Variants in ATP2A1 observed in about 807,000 individuals in gnomAD.
ATP2A1 encodes the protein sarcoplasmic/endoplasmic reticulum calcium ATPase 1.
In ATP2A1, 83 loss-of-function variants were observed where a neutral mutation model predicts 109.5. That is an observed-to-expected ratio of 0.76 (90% CI 0.63 to 0.91). The LOEUF (loss-of-function observed/expected upper bound fraction) is 0.91. Among genes scored for constraint, ATP2A1 ranks in the 40% least tolerant of loss-of-function variants. The probability of loss-of-function intolerance (pLI) is 0.00; values close to 1 mark genes in which losing one functional copy is unlikely to be tolerated. For missense variants in ATP2A1, 1,101 were observed against 1,341.0 expected (o/e 0.82, Z 2.80); for synonymous variants, 505 against 537.6 (o/e 0.94, Z 0.84).
At chr16:28,900,253 A>G (rs1436029102) in intron 14 of ATP2A1, among the ~76,000 whole-genome samples, 2 of 151,580 alleles carry the variant, frequency 1.3e-5, no homozygotes, top group Admixed American at 6.6e-5. Context: ...GTGAGCTATG[A>G]TCGCACCGTT....
intron 2 of ATP2A1, 75 bp downstream of exon 2, chr16:28,879,191 C>T: frequency 1.3e-6 from 2 of 1,535,134 alleles, no homozygotes; most frequent in Non-Finnish European, 9.0e-7. Flanking sequence ...CTCCTCCCTG[C>T]CTCTTTAGAT....
chr16:28,889,529 A>G (rs1171634960), intron 9 of ATP2A1, among the ~76,000 whole-genome samples: 1 of 152,158 alleles, frequency 6.6e-6, no homozygotes, highest in Non-Finnish European at 1.5e-5. Context: ...AAGTGCTGGG[A>G]TGATAGGTGT....
chr16:28,880,036 G>A lies in ATP2A1; in HGVS notation c.219+453G>A. 10 of 1,004,554 alleles carry A rather than the reference G, an allele frequency of 1.0e-5. No homozygotes were observed. The highest frequency in any genetic ancestry group is 1.1e-5 in the Non-Finnish European group (9 of 844,734). The allele number at this position is 1,004,554 out of a possible 1,614,324, so 62.2% of individuals were successfully genotyped here. A position where few individuals can be genotyped will look rare whatever the true frequency, so the allele number is the denominator to read the frequency against. Reference sequence around the variant, plus strand: ...CGCTGATTGGTCGAGGGGAGGACTCGCTCCTAGTGGCGGGAAAGCGCGGCG... The same window carrying A: ...CGCTGATTGGTCGAGGGGAGGACTCACTCCTAGTGGCGGGAAAGCGCGGCG... On this transcript the variant is annotated intron_variant, in intron 3 of 22. Transcript: ENST00000395503. This position sits in a 1 kb window ranked among gnomAD's most constrained non-coding sequence, Gnocchi z 4.2.
At chr16:28,879,847 G>C (rs1963403691) in intron 3 of ATP2A1, 1 of 577,460 alleles carries the variant, frequency 1.7e-6, no homozygotes, top group Non-Finnish European at 2.7e-6. Context: ...TCAAGAGCTT[G>C]GAGAGCTCGG....
Position 28,879,112 on chromosome 16 carries a change from G to T in ATP2A1, c.132G>T (p.Glu44Asp). The T allele has an allele frequency of 6.2e-7, 1 of 1,614,050 alleles. No individual in the cohort carries two copies. The highest frequency in any genetic ancestry group is 8.5e-7 in the Non-Finnish European group (1 of 1,179,980). ...TTTCCTGGGTAGAGCTCCCTGCTGA[G>T]GAAGGTAAGTTACTGGAATCCCTGA... is the stretch of plus-strand genomic sequence containing the variant. ...EKYGLNELPA[E>D]EGKTLWELVI... The change falls in exon 2 of 23, where the codon GAG becomes GAT. Residue 44 changes from glutamate to aspartate, a missense_variant. Transcript: ENST00000395503.
rs890437745 is a variant in ATP2A1, at chr16:28,880,360, G to T, written c.220-555G>T. ...GGCCCCGTCGCGTTAAGCACAAGCT[G>T]GCAGGGCCTCTCCTCTCCCTTCTCA... On this transcript the variant is annotated intron_variant, in intron 3 of 22. Transcript: ENST00000395503. The surrounding 1 kb of genome is among the most constrained non-coding windows in gnomAD (Gnocchi z 4.2). Among the ~76,000 whole-genome samples the T allele has an allele frequency of 6.6e-6, 1 of 152,266 alleles. No individual in the cohort carries two copies. The highest frequency in any genetic ancestry group is 2.4e-5 in the African/African-American group (1 of 41,472).
chr16:28,894,619 T>G lies in ATP2A1; in HGVS notation c.1287+12T>G, dbSNP rs1963866032. ...TGGACTTCAACGAGGTAACCTCTCC[T>G]TCCCCTTCCAGTTGGCTCAGAGTCT... On this transcript the variant is annotated intron_variant, in intron 11 of 22. Transcript: ENST00000395503. 2 of 1,613,440 alleles carry G rather than the reference T, an allele frequency of 1.2e-6. No individual in the cohort carries two copies. The highest frequency in any genetic ancestry group is 3.3e-5 in the Admixed American group (2 of 59,980).
Position 28,887,500 on chromosome 16 carries a change from C to T in ATP2A1, c.706C>T (p.Arg236Ter), listed in dbSNP as rs745337023. The T allele has an allele frequency of 1.2e-5, 20 of 1,613,934 alleles. No homozygotes were observed. The highest frequency in any genetic ancestry group is 2.2e-5 in the East Asian group (1 of 44,876). Reference sequence around the variant, plus strand: ...TGTGGGCACCGAGATTGGGAAGATCCGAGACCAAATGGCTGCCACAGAACA... The same window carrying T: ...TGTGGGCACCGAGATTGGGAAGATCTGAGACCAAATGGCTGCCACAGAACA... The part of the protein sequence containing the change: ...TGVGTEIGKI[R>*]DQMAATEQDK... The change falls in exon 8 of 23, where the codon CGA (arginine) becomes TGA (stop). Residue 236 changes from arginine to a stop codon, truncating the protein, a stop_gained. Coordinates refer to ENST00000395503, the MANE Select transcript of ATP2A1 (RefSeq NM_004320.6). LOFTEE classifies it high-confidence loss of function.
Position 28,903,198 on chromosome 16 carries a change from G to A in ATP2A1, c.2862+51G>A, listed in dbSNP as rs771676011. ...CCCACCCCAGCACTGGGGAGCCCAC[G>A]GCGGGCCCATGACCACTCCCACCAG... On this transcript the variant is annotated intron_variant, in intron 20 of 22. Transcript: ENST00000395503. This position sits in a 1 kb window ranked among gnomAD's most constrained non-coding sequence, Gnocchi z 5.6. 16 of 1,603,508 alleles carry A rather than the reference G, an allele frequency of 1.0e-5. No homozygotes were observed. Among genetic ancestry groups the A allele is most frequent in the Middle Eastern group, 1.7e-4 (1 of 6,020 alleles).
rs367983112 is a variant in ATP2A1 at position 28,902,592 on chromosome 16, C to T, written c.2537C>T (p.Ala846Val). The change falls in exon 18 of 23, where the codon GCA becomes GTA. Residue 846 changes from alanine (A) to valine (V), a missense_variant. Physicochemically the swap from Ala to Val is moderately conservative, Grantham distance 64. Transcript: ENST00000395503. This position sits in a 1 kb window ranked among gnomAD's most constrained non-coding sequence, Gnocchi z 4.8. Reference protein sequence around the residue: ...RYMAIGGYVGAATVGAAAWWF... With the variant: ...RYMAIGGYVGVATVGAAAWWF... The stretch of plus-strand genomic sequence containing the variant: ...CTCTCCACCACAGGCTATGTGGGTG[C>T]AGCCACCGTGGGAGCAGCTGCCTGG... 7 of 1,613,964 alleles carry T rather than the reference C, an allele frequency of 4.3e-6. No individual in the cohort carries two copies. The African/African-American group carries it at 6.7e-5, about 15-fold the overall frequency.
Position 28,900,805 on chromosome 16 carries a change from G to C in ATP2A1, c.1989G>C (p.Leu663=), listed in dbSNP as rs1964052568. The C allele has an allele frequency of 6.2e-7, 1 of 1,614,112 alleles. No homozygotes were observed. Among genetic ancestry groups the C allele is most frequent in the Non-Finnish European group, 8.5e-7 (1 of 1,180,058 alleles). ...GCCGAGAGTTCGACGACCTGCCCCTGGCTGAACAGCGGGAAGCCTGCCGAC... is the reference window on the plus strand; with the variant it reads ...GCCGAGAGTTCGACGACCTGCCCCTCGCTGAACAGCGGGAAGCCTGCCGAC... ...YTGREFDDLP[L]AEQREACRRA... Residue 663 remains leucine (L), a synonymous_variant, in exon 15 of 23, where the codon CTG becomes CTC. Transcript: ENST00000395503.
chr16:28,896,219 T>TG (rs1369643434), intron 12 of ATP2A1, among the ~76,000 whole-genome samples: 1 of 152,114 alleles, frequency 6.6e-6, no homozygotes, highest in African/African-American at 2.4e-5. Context: ...TTTGTTTGTT[T>TG]GTTTGTTTGT....
chr16:28,881,087 T>A (rs1219872653), intron 4 of ATP2A1, 68 bp downstream of exon 4: 1 of 1,467,296 alleles, frequency 6.8e-7, no homozygotes, highest in Admixed American at 1.7e-5. Flanking sequence ...CTCCCTCCAG[T>A]CTCCTCCTCC....
chr16:28,896,849 A>G (rs889130538), intron 12 of ATP2A1, among the ~76,000 whole-genome samples: 5 of 148,716 alleles, frequency 3.4e-5, no homozygotes, highest in African/African-American at 1.3e-4. Flanking sequence ...ACGTGCCACC[A>G]CGCCTGGCTG....
Position 28,900,806 on chromosome 16 carries a change from G to A in ATP2A1, c.1990G>A (p.Ala664Thr), listed in dbSNP as rs764844913. The A allele has an allele frequency of 3.7e-6, 6 of 1,614,118 alleles. No individual in the cohort carries two copies. In the Admixed American group the frequency reaches 1.0e-4, roughly 27 times the overall value. Residue 664 changes from alanine to threonine, a missense_variant, in exon 15 of 23, where the codon GCT becomes ACT. Ala to Thr is a moderately conservative substitution (Grantham distance 58). Transcript: ENST00000395503. Reference protein sequence around the residue: ...TGREFDDLPLAEQREACRRAC... With the variant: ...TGREFDDLPLTEQREACRRAC... ...CCGAGAGTTCGACGACCTGCCCCTG[G>A]CTGAACAGCGGGAAGCCTGCCGACG...
At chr16:28,881,343 A>G (rs967663756) in intron 4 of ATP2A1, 2 of 423,036 alleles carry the variant, frequency 4.7e-6, no homozygotes, top group South Asian at 2.1e-5. Context: ...AATAGACGCT[A>G]GCTTGATTTC....
At position 28,887,453 on chromosome 16, in the gene ATP2A1, T is replaced by C. The variant is rs1284087220; in HGVS notation, c.659T>C (p.Leu220Ser). The C allele has an allele frequency of 1.2e-6, 2 of 1,613,890 alleles. No individual in the cohort carries two copies. The highest frequency in any genetic ancestry group is 1.7e-6 in the Non-Finnish European group (2 of 1,180,000). The change falls in exon 8 of 23, where the codon TTG becomes TCG. Residue 220 changes from leucine to serine, a missense_variant. Leu to Ser is a moderately radical substitution (Grantham distance 145). Transcript: ENST00000395503. ...SGTNIAAGKA[L>S]GIVATTGVGT... ...ACCAACATTGCAGCCGGCAAGGCCTTGGGCATCGTGGCCACCACTGGTGTG... is the reference window on the plus strand; with the variant it reads ...ACCAACATTGCAGCCGGCAAGGCCTCGGGCATCGTGGCCACCACTGGTGTG...
At position 28,903,584 on chromosome 16, in the gene ATP2A1, T is replaced by C. The variant is rs889077718; in HGVS notation, c.2981-116T>C. 2 of 1,145,632 alleles carry C rather than the reference T, an allele frequency of 1.7e-6. No individual in the cohort carries two copies. The highest frequency in any genetic ancestry group is 3.2e-5 in the African/African-American group (2 of 62,370). The allele number at this position is 1,145,632 out of a possible 1,614,324, so 71.0% of individuals were successfully genotyped here. A position where few individuals can be genotyped will look rare whatever the true frequency, so the allele number is the denominator to read the frequency against. On this transcript the variant is annotated intron_variant, in intron 21 of 22. Transcript: ENST00000395503. The surrounding 1 kb of genome is among the most constrained non-coding windows in gnomAD (Gnocchi z 5.6). ...GTGTCCGCCCCGTTCCCCCTGCGCCTGCAGGGGCCACATCTCCGGGGCAGC... is the reference window on the plus strand; with the variant it reads ...GTGTCCGCCCCGTTCCCCCTGCGCCCGCAGGGGCCACATCTCCGGGGCAGC...
rs1567478810 is a variant in ATP2A1 at position 28,880,755 on chromosome 16, C to G, written c.220-160C>G. On this transcript the variant is annotated intron_variant, in intron 3 of 22. Transcript: ENST00000395503. This position sits in a 1 kb window ranked among gnomAD's most constrained non-coding sequence, Gnocchi z 4.2. ...CAGGACCTGCAGTGGATGGACAGAC[C>G]CTCAGACGGATGTGGGGCCACAGCG... Among the ~76,000 whole-genome samples, 1 of 152,252 alleles carries G rather than the reference C, an allele frequency of 6.6e-6. No individual in the cohort carries two copies. Among genetic ancestry groups the G allele is most frequent in the Non-Finnish European group, 1.5e-5 (1 of 68,048 alleles).
Sources: allele counts gnomAD v4.1 joint callset (sites outside exome capture counted in the v4.1 genomes callset), GRCh38; gene constraint gnomAD v4.1.1; non-coding constraint Gnocchi (gnomAD v3.1); transcripts MANE v1.5; gene names NCBI Gene and HGNC (gene_info 2026-07-23, HGNC 2026-07-21).